Variants in GALK2 observed in about 807,000 individuals in gnomAD.
GALK2 encodes the protein N-acetylgalactosamine kinase.
GALK2 carries 36 observed loss-of-function variants against 52.4 expected under a neutral mutation model. That is an observed-to-expected ratio of 0.69 (90% CI 0.53 to 0.91). The LOEUF (loss-of-function observed/expected upper bound fraction) is 0.91, where lower values mean the gene tolerates loss of function less well. Ranked by LOEUF, GALK2 falls within the 40% of genes least tolerant of loss-of-function variation. GALK2 has a pLI of 0.00. For synonymous variants in GALK2, 176 were observed against 199.1 expected (o/e 0.88, Z 0.98); for missense variants, 579 against 559.1 (o/e 1.04, Z -0.36).
intron 1 of GALK2, among the ~76,000 whole-genome samples, chr15:49,158,637 A>G (rs1271013943): frequency 6.6e-6 from 1 of 152,204 alleles, no homozygotes; most frequent in African/African-American, 2.4e-5. Flanking sequence ...AAAAAATACT[A>G]TTACACAAAA....
intron 3 of GALK2, among the ~76,000 whole-genome samples, chr15:49,337,633 G>A (rs949750506): frequency 6.9e-6 from 1 of 145,832 alleles, no homozygotes; most frequent in African/African-American, 2.6e-5. Context: ...TCATCAACCT[G>A]TCATCTACAT....
chr15:49,202,149 A>G (rs1437296276), intron 2 of GALK2, among the ~76,000 whole-genome samples: 4 of 151,992 alleles, frequency 2.6e-5, no homozygotes, highest in Admixed American at 6.6e-5. Flanking sequence ...GATTACAGGC[A>G]TGTGCCACCA....
chr15:49,304,168 T>C (rs1020583850), intron 8 of GALK2, among the ~76,000 whole-genome samples: 1 of 152,212 alleles, frequency 6.6e-6, no homozygotes, highest in African/African-American at 2.4e-5. Context: ...TTTTCCTTTT[T>C]TGCTACTTAT....
chr15:49,365,528 CTACTGGCAATGTT>C, intron 3 of GALK2: 1 of 855,630 alleles, frequency 1.2e-6, no homozygotes, highest in Non-Finnish European at 2.0e-6. Context: ...ACTCTGATGA[CTACTGGCAATGTT>C]TCAGTATTTT....
In GALK2 at chr15:49,274,772, G is replaced by A. The variant is rs77100605; in HGVS notation, c.505-7215G>A. On this transcript the variant is annotated intron_variant, in intron 5 of 9. Transcript: ENST00000560031. ...TTTTAAAATTTTTTAATTTTTTAAC[G>A]TTTTAAACTTTTAGTTTTTTTGTTA... is the stretch of plus-strand genomic sequence containing the variant. Among the ~76,000 whole-genome samples, 448 of 151,686 alleles carry A rather than the reference G, an allele frequency of 3.0e-3. 5 individuals are homozygous for A. The highest frequency in any genetic ancestry group is 0.01 in the African/African-American group (425 of 41,354).
intron 3 of GALK2, among the ~76,000 whole-genome samples, chr15:49,349,417 T>A (rs563444321): frequency 2.0e-5 from 3 of 152,174 alleles, no homozygotes; most frequent in African/African-American, 7.2e-5. Flanking sequence ...GTGTAAGCCA[T>A]CAAAAATAAA....
chr15:49,319,640 T>C lies in GALK2; in HGVS notation c.1004T>C (p.Val335Ala), dbSNP rs1460878648. The C allele has an allele frequency of 6.2e-7, 1 of 1,614,058 alleles. No individual in the cohort carries two copies. The highest frequency in any genetic ancestry group is 1.3e-5 in the African/African-American group (1 of 74,926). ...AAACTCTATCAGCGGGCAAAGCATG[T>C]GTACAGCGAGGCTGCGCGAGTGCTC... ...IFKLYQRAKH[V>A]YSEAARVLQF... The change falls in exon 9 of 10, where the codon GTG (valine) becomes GCG (alanine). Residue 335 changes from valine to alanine, a missense_variant. Physicochemically the swap from Val to Ala is moderately conservative, Grantham distance 64. Coordinates refer to ENST00000560031, the MANE Select transcript of GALK2 (RefSeq NM_002044.4).
At chr15:49,216,485 G>A (rs528313734) in intron 2 of GALK2, among the ~76,000 whole-genome samples, 21 of 152,262 alleles carry the variant, frequency 1.4e-4, no homozygotes, top group African/African-American at 5.1e-4. Context: ...GGTGCAGTGC[G>A]ATCAGGCACT....
intron 3 of GALK2, among the ~76,000 whole-genome samples, chr15:49,218,233 G>T (rs1388735264): frequency 6.6e-6 from 1 of 152,116 alleles, no homozygotes. Flanking sequence ...TACTGTAGAA[G>T]ATCTTTTTTT....
At chr15:49,279,263 T>A (rs1345462325) in intron 5 of GALK2, among the ~76,000 whole-genome samples, 2 of 152,206 alleles carry the variant, frequency 1.3e-5, no homozygotes, top group East Asian at 3.8e-4. Flanking sequence ...ACTATTAGCA[T>A]TGTTAATAGA....
intron 5 of GALK2, among the ~76,000 whole-genome samples, chr15:49,243,851 G>A (rs1047042816): frequency 1.8e-4 from 28 of 152,096 alleles, no homozygotes; most frequent in African/African-American, 6.7e-4. Flanking sequence ...AGCTGGGCAT[G>A]GTGGCTCATG....
In GALK2 at chr15:49,187,638, C is replaced by T. The variant is rs1041448227; in HGVS notation, c.54-13524C>T. Among the ~76,000 whole-genome samples, 2 of 152,114 alleles carry T rather than the reference C, an allele frequency of 1.3e-5. 1 individual carries two copies. The highest frequency in any genetic ancestry group is 4.2e-4 in the South Asian group (2 of 4,812). ...TGTGGCTGAGCTGGCACCCAAGCTG[C>T]AAGAGAAAGTCTTTCCCACTCTTCC... On this transcript the variant is annotated intron_variant, in intron 1 of 9. Transcript: ENST00000560031.
chr15:49,349,378 T>TA (rs1458632004), intron 3 of GALK2, among the ~76,000 whole-genome samples: 3 of 152,140 alleles, frequency 2.0e-5, no homozygotes, highest in African/African-American at 7.2e-5. Flanking sequence ...AACTAGCAAT[T>TA]TACTCATCAA....
At position 49,201,200 on chromosome 15, in the gene GALK2, G is replaced by C; in HGVS notation, c.92G>C (p.Gly31Ala). 3 of 1,609,716 alleles carry C rather than the reference G, an allele frequency of 1.9e-6. No individual in the cohort carries two copies. Among genetic ancestry groups the C allele is most frequent in the Non-Finnish European group, 2.5e-6 (3 of 1,176,766 alleles). ...KLKEMFNSKF[G>A]SIPKFYVRAP... is the part of the protein sequence containing the mutation. ...AAGGAGATGTTTAACTCCAAGTTTG[G>C]ATCTATTCCCAAGTTTTATGTTCGA... Residue 31 changes from glycine to alanine, a missense_variant, in exon 2 of 10, where the codon GGA (glycine) becomes GCA (alanine). Transcript: ENST00000560031.
intron 8 of GALK2, among the ~76,000 whole-genome samples, chr15:49,299,302 A>C (rs1293635752): frequency 1.3e-5 from 2 of 152,008 alleles, no homozygotes; most frequent in Admixed American, 6.6e-5. Flanking sequence ...ACTAGGCAGC[A>C]GTCTGTCAAT....
At chr15:49,195,525 G>A (rs377505995) in intron 1 of GALK2, among the ~76,000 whole-genome samples, 1 of 152,030 alleles carries the variant, frequency 6.6e-6, no homozygotes, top group East Asian at 1.9e-4. Flanking sequence ...ATTGGTTTTT[G>A]TTTTCGCATA....
rs2151121315 is a variant in GALK2, at chr15:49,328,949, T to C, written c.*790T>C. The C allele has an allele frequency of 9.0e-7, 1 of 1,110,506 alleles. No individual in the cohort carries two copies. Among genetic ancestry groups the C allele is most frequent in the Non-Finnish European group, 1.1e-6 (1 of 904,404 alleles). The allele number at this position is 1,110,506 out of a possible 1,614,324, so 68.8% of individuals were successfully genotyped here. A position where few individuals can be genotyped will look rare whatever the true frequency, so the allele number is the denominator to read the frequency against. ...ACACTTTAAGACTCTTCTATTCACA[T>C]TGAAATAAAGAATTATCTAGATGAT... is the stretch of plus-strand genomic sequence containing the variant. On this transcript the variant is annotated 3_prime_UTR_variant, in exon 10 of 10. Transcript: ENST00000560031.
At chr15:49,319,029 C>A in intron 8 of GALK2, 1 of 431,328 alleles carries the variant, frequency 2.3e-6, no homozygotes, top group Non-Finnish European at 4.6e-6. Flanking sequence ...CAGCTCACTG[C>A]AACCTCTGCC....
chr15:49,260,340 G>C (rs1231232869), intron 5 of GALK2, among the ~76,000 whole-genome samples: 1 of 151,802 alleles, frequency 6.6e-6, no homozygotes, highest in Admixed American at 6.6e-5. Flanking sequence ...AATTTCATGT[G>C]TTTTTTGGCT....
Sources: allele counts gnomAD v4.1 joint callset (sites outside exome capture counted in the v4.1 genomes callset), GRCh38; gene constraint gnomAD v4.1.1; transcripts MANE v1.5; gene names NCBI Gene and HGNC (gene_info 2026-07-23, HGNC 2026-07-21).